The following MRPL46 variants were observed in gnomAD, a reference collection of about 807,000 sequenced individuals.
MRPL46 encodes the protein large ribosomal subunit protein mL46.
Under a neutral mutation model 31.0 loss-of-function variants are expected in MRPL46, and 26 were observed. The ratio of observed to expected loss-of-function variants is 0.84; its 90% CI spans 0.61 to 1.16. The LOEUF (loss-of-function observed/expected upper bound fraction) is 1.16. MRPL46 is among the 50% of genes most tolerant of loss of function. The probability of loss-of-function intolerance (pLI) is 0.00; values close to 1 mark genes in which losing one functional copy is unlikely to be tolerated. For missense variants in MRPL46, 395 were observed against 340.0 expected, an observed-to-expected ratio of 1.16 and a Z score of -1.27; for synonymous variants, 159 against 141.3, an observed-to-expected ratio of 1.13 and a Z score of -0.89.
rs1480224226 is a variant in MRPL46, at chr15:88,465,910, G to A, written c.229-137C>T. 4 of 777,850 alleles carry A rather than the reference G, an allele frequency of 5.1e-6. No individual in the cohort carries two copies. In the African/African-American group the frequency reaches 7.2e-5, roughly 14 times the overall value. The allele number at this position is 777,850 out of a possible 1,614,324, so 48.2% of individuals were successfully genotyped here. ...ATCACCCAACATAACCAGATACACAGTCAAAACACCATGCAGAAAGGAAAT... is the reference window on the plus strand; with the variant it reads ...ATCACCCAACATAACCAGATACACAATCAAAACACCATGCAGAAAGGAAAT... On this transcript the variant is annotated intron_variant, in intron 1 of 3. Transcript: ENST00000312475.
rs2055519908 is a variant in MRPL46, at chr15:88,465,699, C to T, written c.303G>A (p.Lys101=). The change falls in exon 2 of 4, where the codon AAG becomes AAA. Residue 101 remains lysine, a synonymous_variant. Transcript: ENST00000312475. ...ALDENQRLAK[K]KADLHDEEDE... ...CTTCTTCATCATGAAGGTCAGCTTT[C>T]TTCTTTGCCAGTCGCTGGTTTTCAT... 1.9e-6 allele frequency: 3 copies of T among 1,613,924 alleles called. No individual in the cohort carries two copies. The highest frequency in any genetic ancestry group is 1.1e-5 in the South Asian group (1 of 91,066).
chr15:88,466,172 C>T (rs750236178), intron 1 of MRPL46, among the ~76,000 whole-genome samples: 1 of 152,186 alleles, frequency 6.6e-6, no homozygotes, highest in Non-Finnish European at 1.5e-5. Context: ...TCCTCACATT[C>T]TTTCTTCTGG....
chr15:88,467,187 G>A lies in MRPL46; in HGVS notation c.191C>T (p.Thr64Ile), dbSNP rs747012714. The A allele has an allele frequency of 2.5e-6, 4 of 1,614,158 alleles. No individual in the cohort carries two copies. In the South Asian group the frequency reaches 4.4e-5, roughly 18 times the overall value. The change falls in exon 1 of 4, where the codon ACC becomes ATC. Residue 64 changes from threonine to isoleucine, a missense_variant. By Grantham distance (89) the Thr-to-Ile change is moderately conservative. Coordinates refer to ENST00000312475, the MANE Select transcript of MRPL46 (RefSeq NM_022163.4). ...QRPPVVSKPLTPLQEEMASLL... is the reference protein window; with the variant it reads ...QRPPVVSKPLIPLQEEMASLL... The stretch of plus-strand genomic sequence containing the variant: ...AGACGCCATCTCTTCCTGCAATGGG[G>A]TCAACGGCTTGGAGACTACAGGTGG...
rs16941885 is a variant in MRPL46, at chr15:88,464,841, T to G, written c.451A>C (p.Arg151=). Residue 151 remains arginine (R), a synonymous_variant, in exon 3 of 4, where the codon AGG becomes CGG. Coordinates refer to ENST00000312475, the MANE Select transcript of MRPL46 (RefSeq NM_022163.4). ...DEKNDRTSLN[R]KLDRNLVLLV... ...AGGACAAGGTTCCTGTCTAGCTTCCTGTTCAGGGATGTTCGGTCATTCTTT... is the reference window on the plus strand; with the variant it reads ...AGGACAAGGTTCCTGTCTAGCTTCCGGTTCAGGGATGTTCGGTCATTCTTT... 20,871 of 1,614,014 alleles carry G rather than the reference T, an allele frequency of 0.013. 2,145 individuals carry two copies. The African/African-American group carries it at 0.23, about 18-fold the overall frequency.
chr15:88,459,889 C>A (rs1312222492), intron 3 of MRPL46, 26 bp from the exon 4 acceptor site: 4 of 1,613,094 alleles, frequency 2.5e-6, no homozygotes, highest in Non-Finnish European at 3.4e-6. Context: ...AGAAAAATCA[C>A]AATTGGAAGG....
At chr15:88,460,242 G>C (rs572694910) in intron 3 of MRPL46, 1 of 220,808 alleles carries the variant, frequency 4.5e-6, no homozygotes, top group Admixed American at 5.2e-5. Flanking sequence ...ATCTGCTGGC[G>C]AATCAGCCCA....
Position 88,465,685 on chromosome 15 carries a change from T to A in MRPL46, c.317A>T (p.His106Leu). Residue 106 changes from histidine (H) to leucine (L), a missense_variant, in exon 2 of 4, where the codon CAT (histidine) becomes CTT (leucine). Coordinates refer to ENST00000312475, the MANE Select transcript of MRPL46 (RefSeq NM_022163.4). Reference protein sequence around the residue: ...QRLAKKKADLHDEEDEQDILL... With the variant: ...QRLAKKKADLLDEEDEQDILL... ...TATATCCTGTTCATCTTCTTCATCATGAAGGTCAGCTTTCTTCTTTGCCAG... is the reference window on the plus strand; with the variant it reads ...TATATCCTGTTCATCTTCTTCATCAAGAAGGTCAGCTTTCTTCTTTGCCAG... The A allele has an allele frequency of 6.2e-7, 1 of 1,614,100 alleles. No individual in the cohort carries two copies. The highest frequency in any genetic ancestry group is 2.2e-5 in the East Asian group (1 of 44,882).
At position 88,467,107 on chromosome 15, in the gene MRPL46, A is replaced by C. The variant is rs1032786271; in HGVS notation, c.228+43T>G. 5 of 1,594,728 alleles carry C rather than the reference A, an allele frequency of 3.1e-6. No homozygotes were observed. The African/African-American group carries it at 6.7e-5, about 21-fold the overall frequency. ...GAGGTGAAATTACTCGCTCAAAGTC[A>C]CGCAGAATAAACGTCACTCTGAACC... On this transcript the variant is annotated intron_variant, in intron 1 of 3. Transcript: ENST00000312475.
intron 1 of MRPL46, among the ~76,000 whole-genome samples, chr15:88,466,551 T>G (rs1039295661): frequency 3.3e-5 from 5 of 152,182 alleles, no homozygotes; most frequent in Non-Finnish European, 5.9e-5. Context: ...TAACAAATAT[T>G]TGTCAAGCGA....
rs1326685360 is a variant in MRPL46, at chr15:88,465,695, CT to C, written c.306del (p.Ala103LeufsTer35). 1 of 1,613,882 alleles carries C rather than the reference CT, an allele frequency of 6.2e-7. No individual in the cohort carries two copies. The highest frequency in any genetic ancestry group is 1.1e-5 in the South Asian group (1 of 91,054). On this transcript the variant is annotated frameshift_variant, in exon 2 of 4. Transcript: ENST00000312475. LOFTEE classifies it high-confidence loss of function. ...TCATCTTCTTCATCATGAAGGTCAG[CT>C]TTCTTCTTTGCCAGTCGCTGGTTTT... is the stretch of plus-strand genomic sequence containing the variant. ...LDENQRLAKK[K>X]ADLHDEEDEQ...
At chr15:88,465,831 A>G (rs940323793) in intron 1 of MRPL46, 58 bp from the exon 2 acceptor site, 35 of 1,471,244 alleles carry the variant, frequency 2.4e-5, no homozygotes, top group Non-Finnish European at 3.6e-6. Context: ...AAAGGAAAAA[A>G]AAAACAGGAA....
rs1471817310 is a variant in MRPL46 at position 88,463,653 on chromosome 15, G to A, written c.589+1050C>T. The A allele has an allele frequency of 1.3e-5, 2 of 152,304 alleles. No homozygotes were observed. Among genetic ancestry groups the A allele is most frequent in the East Asian group, 1.9e-4 (1 of 5,182 alleles). The allele number at this position is 152,304 out of a possible 1,614,324, so 9.4% of individuals were successfully genotyped here. A position where few individuals can be genotyped will look rare whatever the true frequency, so the allele number is the denominator to read the frequency against. ...CCACATACGGTATAATGTATAAACT[G>A]TCTTAAAAACTGAGCAGTCAGGCCA... On this transcript the variant is annotated intron_variant, in intron 3 of 3. Transcript: ENST00000312475. This position sits in a 1 kb window ranked among gnomAD's most constrained non-coding sequence, Gnocchi z 5.4.
chr15:88,466,736 C>G (rs2055540268), intron 1 of MRPL46, among the ~76,000 whole-genome samples: 1 of 152,234 alleles, frequency 6.6e-6, no homozygotes, highest in Non-Finnish European at 1.5e-5. Context: ...TCCTCACTTG[C>G]CCCTCACACA....
intron 3 of MRPL46, chr15:88,460,635 A>G (rs1404456942): frequency 6.6e-6 from 1 of 152,246 alleles, no homozygotes. Context: ...AATTGATACC[A>G]TATAGATCAA....
intron 3 of MRPL46, chr15:88,464,192 C>T (rs183435924): frequency 6.4e-6 from 1 of 156,026 alleles, no homozygotes; most frequent in East Asian, 1.9e-4. Context: ...GCTCCCCACA[C>T]TTATCCGACC....
chr15:88,467,299 G>C lies in MRPL46; in HGVS notation c.79C>G (p.Leu27Val). Residue 27 changes from leucine to valine, a missense_variant, in exon 1 of 4, where the codon CTA becomes GTA. By Grantham distance (32) the Leu-to-Val change is conservative (BLOSUM62 1). Coordinates refer to ENST00000312475, the MANE Select transcript of MRPL46 (RefSeq NM_022163.4). Reference sequence around the variant, plus strand: ...GCAAGAGCCAGGCTGCGAGAGCTTAGACTGCCGGCCCAGAGCCTCTCGAAC... The same window carrying C: ...GCAAGAGCCAGGCTGCGAGAGCTTACACTGCCGGCCCAGAGCCTCTCGAAC... ...RRFERLWAGS[L>V]SSRSLALAAA... 3 of 1,612,514 alleles carry C rather than the reference G, an allele frequency of 1.9e-6. No individual in the cohort carries two copies. The highest frequency in any genetic ancestry group is 2.5e-6 in the Non-Finnish European group (3 of 1,179,462).
At chr15:88,464,600 C>A in intron 3 of MRPL46, 103 bp downstream of exon 3, 1 of 1,122,572 alleles carries the variant, frequency 8.9e-7, no homozygotes, top group South Asian at 1.6e-5. Context: ...TTCCATTAAC[C>A]TTCCCACCCC....
rs2055494936 is a variant in MRPL46, at chr15:88,463,485, C to T, written c.589+1218G>A. ...AATGTATTCTCCACTAGAACACAAGCTCCTAGGGAGTAGGGTAGTGTCCTG... is the reference window on the plus strand; with the variant it reads ...AATGTATTCTCCACTAGAACACAAGTTCCTAGGGAGTAGGGTAGTGTCCTG... On this transcript the variant is annotated intron_variant, in intron 3 of 3. Transcript: ENST00000312475. The surrounding 1 kb of genome is among the most constrained non-coding windows in gnomAD (Gnocchi z 5.4). 1 of 152,196 alleles carries T rather than the reference C, an allele frequency of 6.6e-6. No homozygotes were observed. Among genetic ancestry groups the T allele is most frequent in the African/African-American group, 2.4e-5 (1 of 41,464 alleles). The allele number at this position is 152,196 out of a possible 1,614,324, so 9.4% of individuals were successfully genotyped here. A position where few individuals can be genotyped will look rare whatever the true frequency, so the allele number is the denominator to read the frequency against.
intron 3 of MRPL46, chr15:88,462,895 G>A (rs2055490330): frequency 6.6e-6 from 1 of 152,168 alleles, no homozygotes; most frequent in Admixed American, 6.5e-5. Context: ...ACATAAATAT[G>A]TGTTTTAATA....
Sources: gnomAD v4.1 joint callset for allele counts (sites outside exome capture counted in the v4.1 genomes callset) on GRCh38, gnomAD v4.1.1 for gene constraint, Gnocchi (gnomAD v3.1) non-coding constraint, MANE v1.5 for transcripts, NCBI Gene and HGNC (gene_info 2026-07-23, HGNC 2026-07-21) for gene names.